The following ZNF658 variants were observed in gnomAD, a reference collection of about 807,000 sequenced individuals.
The protein encoded by ZNF658 is zinc finger protein 658.
In ZNF658, 46 loss-of-function variants were observed where a neutral mutation model predicts 78.0. The ratio of observed to expected loss-of-function variants is 0.59; its 90% CI spans 0.47 to 0.75. ZNF658 has a LOEUF of 0.75. ZNF658 is among the 30% of genes least tolerant of loss of function. The probability of loss-of-function intolerance (pLI) is 0.00; values close to 1 mark genes in which losing one functional copy is unlikely to be tolerated. For synonymous variants in ZNF658, 279 were observed against 408.4 expected (o/e 0.68, Z 3.82); for missense variants, 785 against 1,189.3 (o/e 0.66, Z 5.00).
At chr9:66,901,365 G>T (rs959720495) in intron 1 of ZNF658, among the ~76,000 whole-genome samples, 7 of 152,062 alleles carry the variant, frequency 4.6e-5, no homozygotes, top group African/African-American at 1.7e-4. Context: ...TGTCCTGCTC[G>T]TTCTAACATG....
At chr9:66,923,780 GAA>G (rs1195435387), downstream of ZNF658, among the ~76,000 whole-genome samples, 5 of 149,550 alleles carry the variant, frequency 3.3e-5, no homozygotes, top group Non-Finnish European at 7.4e-5. Context: ...AGAAGACCTG[GAA>G]ATAAAAGGAG....
chr9:66,920,788 CAT>C lies in ZNF658; in HGVS notation c.*43_*44del, dbSNP rs1564177425. The C allele has an allele frequency of 1.0e-5, 7 of 669,478 alleles. No homozygotes were observed. Among genetic ancestry groups the C allele is most frequent in the Admixed American group, 5.1e-5 (2 of 39,170 alleles). The allele number at this position is 669,478 out of a possible 1,614,324, so 41.5% of individuals were successfully genotyped here. A position where few individuals can be genotyped will look rare whatever the true frequency, so the allele number is the denominator to read the frequency against. On this transcript the variant is annotated 3_prime_UTR_variant, in exon 5 of 5. Transcript: ENST00000621410. ...CCACATAACACGTAGTGCAGAAACTCATGTGACATAGGCTGGGAACTTGTTTC... is the reference window on the plus strand; with the variant it reads ...CCACATAACACGTAGTGCAGAAACTCGTGACATAGGCTGGGAACTTGTTTC...
downstream of ZNF658, among the ~76,000 whole-genome samples, chr9:66,926,351 T>C (rs1311276373): frequency 6.6e-6 from 1 of 150,574 alleles, no homozygotes; most frequent in African/African-American, 2.4e-5. Context: ...CACAAAAAAC[T>C]GTTAGAATTA....
At chr9:66,913,231 C>T (rs1159078870) in intron 4 of ZNF658, among the ~76,000 whole-genome samples, 1 of 151,054 alleles carries the variant, frequency 6.6e-6, no homozygotes, top group African/African-American at 2.4e-5. Context: ...TCAAGACCAG[C>T]CTGACCAACG....
chr9:66,929,486 G>C (rs1404600827), intron 6 of ZNF658, among the ~76,000 whole-genome samples: 1 of 149,490 alleles, frequency 6.7e-6, no homozygotes, highest in Non-Finnish European at 1.5e-5. Context: ...AAAATGTATA[G>C]ACAGCCTTGT....
At chr9:66,914,553 C>G (rs1446554507) in intron 4 of ZNF658, among the ~76,000 whole-genome samples, 1 of 151,996 alleles carries the variant, frequency 6.6e-6, no homozygotes, top group Non-Finnish European at 1.5e-5. Context: ...GACATTCAGT[C>G]TCTCTTGAGT....
In ZNF658 at chr9:66,918,439, C is replaced by T. The variant is rs752194555; in HGVS notation, c.873C>T (p.His291=). 2.5e-6 allele frequency: 4 copies of T among 1,611,556 alleles called. No individual in the cohort carries two copies. Among genetic ancestry groups the T allele is most frequent in the Non-Finnish European group, 3.4e-6 (4 of 1,177,998 alleles). The change falls in exon 5 of 5, where the codon CAC becomes CAT. Residue 291 remains histidine, a synonymous_variant. Transcript: ENST00000621410. ...KTTAVEYNKV[H]MAMTHYECNE... is the part of the protein sequence containing the mutation. ...CCGCTGTTGAATACAATAAAGTTCA[C>T]ATGGCTATGACACACTATGAGTGTA...
intron 6 of ZNF658, among the ~76,000 whole-genome samples, chr9:66,927,182 G>C (rs1415399364): frequency 3.3e-5 from 5 of 152,042 alleles, no homozygotes; most frequent in Admixed American, 1.3e-4. Flanking sequence ...CTAACAATCT[G>C]ATTTTTTAAA....
chr9:66,919,517 A>G lies in ZNF658; in HGVS notation c.1951A>G (p.Ile651Val), dbSNP rs1446226073. 1 of 1,605,888 alleles carries G rather than the reference A, an allele frequency of 6.2e-7. No homozygotes were observed. The highest frequency in any genetic ancestry group is 8.5e-7 in the Non-Finnish European group (1 of 1,177,024). Residue 651 changes from isoleucine to valine, a missense_variant, in exon 5 of 5, where the codon ATT becomes GTT. By Grantham distance (29) the Ile-to-Val change is conservative. This residue lies in a region of ZNF658 where 75 missense variants were observed against 147.1 expected (regional missense o/e 0.51). Transcript: ENST00000621410. ...HISVLKAHQR[I>V]HTGEKPYECN... Reference sequence around the variant, plus strand: ...TTCTGTTCTCAAGGCACATCAAAGAATTCACACAGGGGAGAAACCCTATGA... The same window carrying G: ...TTCTGTTCTCAAGGCACATCAAAGAGTTCACACAGGGGAGAAACCCTATGA...
intron 1 of ZNF658, among the ~76,000 whole-genome samples, chr9:66,901,353 C>T (rs1821948567): frequency 6.6e-6 from 1 of 152,084 alleles, no homozygotes; most frequent in Non-Finnish European, 1.5e-5. Flanking sequence ...GATGTGACTC[C>T]CTGTCCTGCT....
chr9:66,917,394 C>A (rs1181810682), intron 4 of ZNF658, among the ~76,000 whole-genome samples: 26 of 135,050 alleles, frequency 1.9e-4, no homozygotes, highest in Non-Finnish European at 3.6e-4. Flanking sequence ...GGAAACATGA[C>A]CAGAAACAAT....
At chr9:66,902,037 C>G (rs28479554) in intron 1 of ZNF658, among the ~76,000 whole-genome samples, 122,155 of 152,116 alleles carry the variant, frequency 0.8, 49,158 homozygotes, top group East Asian at 0.88. Context: ...TTAACTCATT[C>G]CTTCCTAAAT....
At chr9:66,910,070 G>A (rs1216430894) in intron 4 of ZNF658, among the ~76,000 whole-genome samples, 2 of 152,084 alleles carry the variant, frequency 1.3e-5, no homozygotes, top group Non-Finnish European at 2.9e-5. Flanking sequence ...TACTGGATTA[G>A]GGTCCTTCCC....
chr9:66,923,358 T>TA (rs1822554406), downstream of ZNF658, among the ~76,000 whole-genome samples: 1 of 146,966 alleles, frequency 6.8e-6, no homozygotes, highest in Non-Finnish European at 1.5e-5. Flanking sequence ...CCCACCCAGA[T>TA]AGAGGGTGGG....
chr9:66,908,162 G>T (rs1822122439), intron 2 of ZNF658, 76 bp from the exon 3 acceptor site: 2 of 1,610,444 alleles, frequency 1.2e-6, no homozygotes, highest in African/African-American at 1.3e-5. Context: ...AGCTCTCAAA[G>T]ATATTTTCTG....
At chr9:66,917,416 C>T (rs1481128737) in intron 4 of ZNF658, among the ~76,000 whole-genome samples, 4 of 96,584 alleles carry the variant, frequency 4.1e-5, no homozygotes, top group Non-Finnish European at 8.2e-5. Flanking sequence ...GAATAAAATA[C>T]ATAACAAAAC....
chr9:66,914,348 G>A (rs1360345381), intron 4 of ZNF658, among the ~76,000 whole-genome samples: 1 of 151,650 alleles, frequency 6.6e-6, no homozygotes, highest in African/African-American at 2.4e-5. Flanking sequence ...TTGTATATTG[G>A]CCTTAGATTC....
chr9:66,912,794 T>A (rs1407559172), intron 4 of ZNF658, among the ~76,000 whole-genome samples: 2 of 150,436 alleles, frequency 1.3e-5, no homozygotes, highest in Non-Finnish European at 3.0e-5. Context: ...ACACTTGTAA[T>A]CTCAGAACCT....
intron 4 of ZNF658, among the ~76,000 whole-genome samples, chr9:66,914,642 G>A (rs995948338): frequency 2.6e-5 from 4 of 151,878 alleles, no homozygotes; most frequent in Non-Finnish European, 5.9e-5. Context: ...AAAATTTTTG[G>A]CATTGATGTA....
Sources: gnomAD v4.1 joint callset for allele counts (sites outside exome capture counted in the v4.1 genomes callset) on GRCh38, gnomAD v4.1.1 for gene constraint, gnomAD v4.1.1 regional missense constraint, MANE v1.5 for transcripts, NCBI Gene and HGNC (gene_info 2026-07-23, HGNC 2026-07-21) for gene names.